MAMDC2: variants seen among roughly 807,000 people sequenced by gnomAD.
MAMDC2 encodes the protein MAM domain-containing protein 2.
In MAMDC2, 57 loss-of-function variants were observed where a neutral mutation model predicts 89.8. The ratio of observed to expected loss-of-function variants is 0.63; its 90% CI spans 0.51 to 0.79. The LOEUF is 0.79. MAMDC2 is among the 30% of genes least tolerant of loss of function. MAMDC2 has a pLI of 0.00. For missense variants in MAMDC2, 800 were observed against 820.6 expected (o/e 0.97, Z 0.31); for synonymous variants, 313 against 293.4 (o/e 1.07, Z -0.68).
chr9:70,224,591 T>G (rs1014605501), intron 12 of MAMDC2, among the ~76,000 whole-genome samples: 1 of 152,084 alleles, frequency 6.6e-6, no homozygotes, highest in African/African-American at 2.4e-5. Flanking sequence ...CAAACTTGCT[T>G]CTCCTCTGCC....
intron 2 of MAMDC2, among the ~76,000 whole-genome samples, chr9:70,056,282 A>T (rs1827023404): frequency 6.6e-6 from 1 of 152,236 alleles, no homozygotes; most frequent in Non-Finnish European, 1.5e-5. Flanking sequence ...AGACTGTTGG[A>T]GAATTTTCTC....
At chr9:70,224,188 A>C (rs1412707813) in intron 12 of MAMDC2, among the ~76,000 whole-genome samples, 1 of 134,592 alleles carries the variant, frequency 7.4e-6, no homozygotes, top group African/African-American at 2.7e-5. Context: ...ACTGTGTATT[A>C]ATCAGTGTTC....
At chr9:70,158,417 G>A (rs2031843096) in intron 9 of MAMDC2, among the ~76,000 whole-genome samples, 1 of 151,470 alleles carries the variant, frequency 6.6e-6, no homozygotes, top group African/African-American at 2.4e-5. Flanking sequence ...TTAGATGCAA[G>A]TATAAATATA....
At position 70,101,546 on chromosome 9, in the gene MAMDC2, A is replaced by G. The variant is rs55934562; in HGVS notation, c.149-6665A>G. ...ATCTTTTATGCTGTATTTTTACTATATCTTGTCTATGTTTAGGTGTGTTTA... is the reference window on the plus strand; with the variant it reads ...ATCTTTTATGCTGTATTTTTACTATGTCTTGTCTATGTTTAGGTGTGTTTA... On this transcript the variant is annotated intron_variant, in intron 2 of 13. Transcript: ENST00000377182. 5.0e-3 allele frequency among the ~76,000 whole-genome samples: 764 copies of G among 152,202 alleles called. 3 individuals carry two copies. The highest frequency in any genetic ancestry group is 0.018 in the African/African-American group (736 of 41,520).
intron 8 of MAMDC2, among the ~76,000 whole-genome samples, chr9:70,141,505 G>A (rs2031221231): frequency 6.6e-6 from 1 of 152,170 alleles, no homozygotes; most frequent in African/African-American, 2.4e-5. Flanking sequence ...ATAAGCACAG[G>A]TTGTGGTAAG....
At chr9:70,104,394 A>G (rs1828277999) in intron 2 of MAMDC2, among the ~76,000 whole-genome samples, 1 of 152,240 alleles carries the variant, frequency 6.6e-6, no homozygotes, top group African/African-American at 2.4e-5. Flanking sequence ...CAGTTCTTCA[A>G]AAAGTTAAAC....
At position 70,064,383 on chromosome 9, in the gene MAMDC2, C is replaced by T. The variant is rs2975913; in HGVS notation, c.148+19686C>T. Among the ~76,000 whole-genome samples the T allele has an allele frequency of 9.3e-3, 1,415 of 152,182 alleles. 28 individuals are homozygous for T. Among genetic ancestry groups the T allele is most frequent in the African/African-American group, 0.032 (1,346 of 41,508 alleles). Reference sequence around the variant, plus strand: ...GCCTGTGCGTCCTTATAGCTTAGCTCCCCCATATGAATGAGAATATACAAT... The same window carrying T: ...GCCTGTGCGTCCTTATAGCTTAGCTTCCCCATATGAATGAGAATATACAAT... On this transcript the variant is annotated intron_variant, in intron 2 of 13. Transcript: ENST00000377182.
intron 2 of MAMDC2, among the ~76,000 whole-genome samples, chr9:70,091,607 G>A (rs114547266): frequency 2.0e-4 from 31 of 152,252 alleles, no homozygotes; most frequent in African/African-American, 7.0e-4. Context: ...TTGGCAATCC[G>A]AATCGGATCC....
At chr9:70,223,000 T>C (rs1478874615) in intron 12 of MAMDC2, among the ~76,000 whole-genome samples, 1 of 151,826 alleles carries the variant, frequency 6.6e-6, no homozygotes, top group Non-Finnish European at 1.5e-5. Context: ...TTAGCCAGGT[T>C]TGGTGGTGCA....
intron 11 of MAMDC2, among the ~76,000 whole-genome samples, chr9:70,187,404 C>A (rs1486574188): frequency 6.6e-6 from 1 of 151,880 alleles, no homozygotes; most frequent in African/African-American, 2.4e-5. Flanking sequence ...TTCTGTAATT[C>A]TATTTTTCAA....
chr9:70,123,999 C>T (rs2030407243), intron 5 of MAMDC2, among the ~76,000 whole-genome samples: 1 of 152,168 alleles, frequency 6.6e-6, no homozygotes, highest in South Asian at 2.1e-4. Flanking sequence ...CCCTAGCAAA[C>T]CACACAGGAA....
intron 11 of MAMDC2, among the ~76,000 whole-genome samples, chr9:70,207,316 G>A (rs113756098): frequency 1.2e-4 from 18 of 151,510 alleles, no homozygotes; most frequent in Non-Finnish European, 2.4e-4. Flanking sequence ...TTTAATGATC[G>A]TCATTCTAAC....
intron 9 of MAMDC2, 33 bp downstream of exon 9, chr9:70,143,852 T>C (rs2031309214): frequency 6.2e-7 from 1 of 1,604,160 alleles, no homozygotes; most frequent in Non-Finnish European, 8.5e-7. Flanking sequence ...TGTGTCCATG[T>C]TCAGTTGCTG....
At chr9:70,075,340 T>C (rs1368660145) in intron 2 of MAMDC2, among the ~76,000 whole-genome samples, 1 of 152,160 alleles carries the variant, frequency 6.6e-6, no homozygotes, top group African/African-American at 2.4e-5. Flanking sequence ...GAATCCCTTA[T>C]AAAAACATTG....
chr9:70,214,866 T>G (rs1300502429), intron 11 of MAMDC2, among the ~76,000 whole-genome samples: 6 of 152,186 alleles, frequency 3.9e-5, no homozygotes, highest in Non-Finnish European at 8.8e-5. Context: ...AACGACTGGA[T>G]ATTTAGTCTA....
At chr9:70,183,114 T>A (rs911895549) in intron 11 of MAMDC2, among the ~76,000 whole-genome samples, 5 of 152,182 alleles carry the variant, frequency 3.3e-5, no homozygotes, top group African/African-American at 1.2e-4. Flanking sequence ...TTCCCAGTAG[T>A]CATTCAGGAG....
chr9:70,179,640 A>T (rs1207470615), intron 11 of MAMDC2, among the ~76,000 whole-genome samples: 1 of 151,232 alleles, frequency 6.6e-6, no homozygotes, highest in Non-Finnish European at 1.5e-5. Flanking sequence ...AAAAAACAAA[A>T]GCTTTAAAAT....
At chr9:70,077,725 T>A (rs535449000) in intron 2 of MAMDC2, among the ~76,000 whole-genome samples, 2 of 152,310 alleles carry the variant, frequency 1.3e-5, no homozygotes, top group Admixed American at 1.3e-4. Context: ...GACCCTTGCT[T>A]CCTCTTTGGA....
At chr9:70,049,559 G>A (rs185761735) in intron 2 of MAMDC2, among the ~76,000 whole-genome samples, 26 of 152,178 alleles carry the variant, frequency 1.7e-4, no homozygotes, top group African/African-American at 6.0e-4. Flanking sequence ...AGTTCATAAG[G>A]CCAGGGACGA....
Sources: gnomAD v4.1 joint callset for allele counts (sites outside exome capture counted in the v4.1 genomes callset) on GRCh38, gnomAD v4.1.1 for gene constraint, MANE v1.5 for transcripts, NCBI Gene and HGNC (gene_info 2026-07-23, HGNC 2026-07-21) for gene names.